Variants in FUT9 observed in about 807,000 individuals in gnomAD.
FUT9 encodes the protein 4-galactosyl-N-acetylglucosaminide 3-alpha-L-fucosyltransferase 9.
Under a neutral mutation model 29.7 loss-of-function variants are expected in FUT9, and 15 were observed. That is an observed-to-expected ratio of 0.51 (90% CI 0.34 to 0.78). FUT9 has a LOEUF of 0.78. Ranked by LOEUF, FUT9 falls within the 30% of genes least tolerant of loss-of-function variation. The pLI is 0.01. For synonymous variants in FUT9, 169 were observed against 153.7 expected, an observed-to-expected ratio of 1.10 and a Z score of -0.74; for missense variants, 319 against 425.4, an observed-to-expected ratio of 0.75 and a Z score of 2.20.
chr6:96,054,486 A>G (rs1770728183), intron 1 of FUT9, among the ~76,000 whole-genome samples: 1 of 152,240 alleles, frequency 6.6e-6, no homozygotes, highest in Non-Finnish European at 1.5e-5. Flanking sequence ...CCTTTTGACT[A>G]CAAAGATAAA....
rs114523682 is a variant in FUT9, at chr6:96,020,510, C to T, written c.-98+4298C>T. Among the ~76,000 whole-genome samples, 228 of 152,140 alleles carry T rather than the reference C, an allele frequency of 1.5e-3. 1 individual carries two copies. Among genetic ancestry groups the T allele is most frequent in the African/African-American group, 5.3e-3 (218 of 41,508 alleles). ...AGTTTCAAGCCCACAGATGAAAATC[C>T]TGGCACTTTTAGCTTTCTCTTCACT... On this transcript the variant is annotated intron_variant, in intron 1 of 2. Coordinates refer to ENST00000302103, the MANE Select transcript of FUT9 (RefSeq NM_006581.4).
intron 2 of FUT9, among the ~76,000 whole-genome samples, chr6:96,155,108 A>C (rs1401952257): frequency 1.3e-5 from 2 of 152,222 alleles, no homozygotes; most frequent in Admixed American, 1.3e-4. Flanking sequence ...TCAATTCTAC[A>C]GCAGTCAAGG....
chr6:96,153,742 A>G (rs1384947645), intron 2 of FUT9, among the ~76,000 whole-genome samples: 1 of 152,064 alleles, frequency 6.6e-6, no homozygotes, highest in African/African-American at 2.4e-5. Context: ...CATGAATCTC[A>G]CCTCTCCAGT....
chr6:96,148,201 T>C (rs1772608994), intron 2 of FUT9, among the ~76,000 whole-genome samples: 2 of 152,284 alleles, frequency 1.3e-5, no homozygotes, highest in Admixed American at 1.3e-4. Flanking sequence ...AAGCTTGGAA[T>C]GTAAAAATCT....
At chr6:96,166,846 C>G (rs2127981834) in intron 2 of FUT9, among the ~76,000 whole-genome samples, 1 of 152,214 alleles carries the variant, frequency 6.6e-6, no homozygotes, top group East Asian at 1.9e-4. Context: ...CTCTTTAAAT[C>G]ATCTTTAGAT....
intron 1 of FUT9, among the ~76,000 whole-genome samples, chr6:96,041,157 G>A (rs1686998620): frequency 6.6e-6 from 1 of 151,490 alleles, no homozygotes; most frequent in African/African-American, 2.4e-5. Flanking sequence ...TTACACATCA[G>A]TGTCTTCCCC....
chr6:96,022,573 T>C (rs1770088912), intron 1 of FUT9, among the ~76,000 whole-genome samples: 1 of 151,964 alleles, frequency 6.6e-6, no homozygotes, highest in African/African-American at 2.4e-5. Context: ...ATGGCAGATC[T>C]GGCAGAGAGT....
rs1773758346 is a variant in FUT9, at chr6:96,203,133, T to C, written c.-8-15T>C. 3 of 1,567,038 alleles carry C rather than the reference T, an allele frequency of 1.9e-6. No homozygotes were observed. ...CCCACCGCTACCTCCCCTTCTGTCTTTCTCTATTTCGTAGGAAAAATTATG... is the reference window on the plus strand; with the variant it reads ...CCCACCGCTACCTCCCCTTCTGTCTCTCTCTATTTCGTAGGAAAAATTATG... On this transcript the variant is annotated splice_polypyrimidine_tract_variant and intron_variant, in intron 2 of 2. Coordinates refer to ENST00000302103, the MANE Select transcript of FUT9 (RefSeq NM_006581.4).
chr6:96,087,970 G>A (rs1771346507), intron 1 of FUT9, among the ~76,000 whole-genome samples: 3 of 152,100 alleles, frequency 2.0e-5, no homozygotes, highest in Admixed American at 6.5e-5. Flanking sequence ...ATTTTTCAAA[G>A]ACATTTTCAC....
Position 96,171,945 on chromosome 6 carries a change from G to A in FUT9, c.-8-31203G>A, listed in dbSNP as rs113647804. Among the ~76,000 whole-genome samples the A allele has an allele frequency of 1.8e-3, 272 of 152,286 alleles. 2 individuals are homozygous for A. Among genetic ancestry groups the A allele is most frequent in the African/African-American group, 6.3e-3 (261 of 41,552 alleles). On this transcript the variant is annotated intron_variant, in intron 2 of 2. Coordinates refer to ENST00000302103, the MANE Select transcript of FUT9 (RefSeq NM_006581.4). ...CTACTGTTTTGCAATTCTTATGGTA[G>A]AATGTATTTCCTCCAAACATCAGTG... is the stretch of plus-strand genomic sequence containing the variant.
intron 1 of FUT9, among the ~76,000 whole-genome samples, chr6:96,073,251 C>A (rs567469153): frequency 1.8e-4 from 28 of 152,160 alleles, no homozygotes; most frequent in African/African-American, 6.7e-4. Context: ...GTGTTTGAGA[C>A]CAGCCTGGTC....
chr6:96,114,315 G>T (rs983643819), intron 2 of FUT9, among the ~76,000 whole-genome samples, 188 bp downstream of exon 2: 5 of 151,868 alleles, frequency 3.3e-5, no homozygotes, highest in African/African-American at 1.2e-4. Flanking sequence ...TTCTATCAAA[G>T]TTAAAGTTAA....
chr6:96,041,797 G>A (rs1463930758), intron 1 of FUT9, among the ~76,000 whole-genome samples: 4 of 152,052 alleles, frequency 2.6e-5, no homozygotes, highest in African/African-American at 4.8e-5. Flanking sequence ...TGTTAATCCC[G>A]ATGAGTCTCC....
intron 2 of FUT9, among the ~76,000 whole-genome samples, chr6:96,193,495 A>T (rs1324181272): frequency 6.6e-6 from 1 of 151,120 alleles, no homozygotes; most frequent in East Asian, 2.0e-4. Context: ...AATCAAAACA[A>T]CAATGAGATA....
intron 2 of FUT9, among the ~76,000 whole-genome samples, chr6:96,182,833 G>T (rs1348455740): frequency 6.6e-6 from 1 of 152,004 alleles, no homozygotes; most frequent in East Asian, 1.9e-4. Flanking sequence ...GGCTGTTCTG[G>T]TGACTATTGC....
chr6:96,072,750 G>A (rs1469899898), intron 1 of FUT9, among the ~76,000 whole-genome samples: 4 of 152,052 alleles, frequency 2.6e-5, no homozygotes, highest in Non-Finnish European at 5.9e-5. Context: ...TTGTCATTTT[G>A]TGCTATATTT....
intron 2 of FUT9, among the ~76,000 whole-genome samples, chr6:96,139,072 A>G (rs923118531): frequency 8.5e-5 from 13 of 152,192 alleles, no homozygotes; most frequent in African/African-American, 2.9e-4. Context: ...TCATACTGCT[A>G]TGAAGAAACA....
At chr6:96,096,653 T>G (rs1582226578) in intron 1 of FUT9, among the ~76,000 whole-genome samples, 1 of 139,502 alleles carries the variant, frequency 7.2e-6, no homozygotes. Context: ...GTGCTTGCCA[T>G]TCCTCTGTCT....
intron 2 of FUT9, among the ~76,000 whole-genome samples, chr6:96,142,267 G>T (rs952309442): frequency 6.6e-6 from 1 of 152,134 alleles, no homozygotes; most frequent in Non-Finnish European, 1.5e-5. Context: ...TGATACTAAA[G>T]ATAAGAGTAA....
Sources: allele counts gnomAD v4.1 joint callset (sites outside exome capture counted in the v4.1 genomes callset), GRCh38; gene constraint gnomAD v4.1.1; transcripts MANE v1.5; gene names NCBI Gene and HGNC (gene_info 2026-07-23, HGNC 2026-07-21).